MARCHF1: variants seen among roughly 807,000 people sequenced by gnomAD.
MARCHF1 encodes membrane associated ring-CH-type finger 1.
MARCHF1 carries 40 observed loss-of-function variants against 54.2 expected under a neutral mutation model. The observed-to-expected ratio is 0.74, with a 90% CI of 0.57 to 0.96. The LOEUF is 0.96. Among genes scored for constraint, MARCHF1 ranks in the 40% least tolerant of loss-of-function variants. MARCHF1 has a pLI of 0.00. For missense variants in MARCHF1, 586 were observed against 656.5 expected, an observed-to-expected ratio of 0.89 and a Z score of 1.17; for synonymous variants, 236 against 236.3, an observed-to-expected ratio of 1.00 and a Z score of 0.01.
chr4:164,312,447 C>T (rs922583446), intron 1 of MARCHF1, among the ~76,000 whole-genome samples: 1 of 150,934 alleles, frequency 6.6e-6, no homozygotes, highest in Non-Finnish European at 1.5e-5. Flanking sequence ...CTCAGCCTCC[C>T]GAGTAGCTGG....
intron 5 of MARCHF1, among the ~76,000 whole-genome samples, chr4:163,685,540 C>T (rs533755781): frequency 4.6e-4 from 70 of 152,216 alleles, no homozygotes; most frequent in African/African-American, 1.5e-3. Flanking sequence ...CTGCAACCTC[C>T]GCCTCCTGGG....
intron 7 of MARCHF1, among the ~76,000 whole-genome samples, chr4:163,586,536 G>C (rs1740419296): frequency 6.6e-6 from 1 of 152,132 alleles, no homozygotes; most frequent in Admixed American, 6.5e-5. Flanking sequence ...TTACTTTTAT[G>C]GTCATTGCTG....
intron 7 of MARCHF1, among the ~76,000 whole-genome samples, chr4:163,590,690 C>T (rs565493175): frequency 1.9e-4 from 29 of 152,040 alleles, no homozygotes; most frequent in Non-Finnish European, 3.8e-4. Flanking sequence ...ACAGTGGCAT[C>T]GTACAGAGTT....
rs73867693 is a variant in MARCHF1 at position 163,653,040 on chromosome 4, C to T, written c.163-39647G>A. Among the ~76,000 whole-genome samples the T allele has an allele frequency of 8.9e-3, 1,330 of 150,220 alleles. 16 individuals carry two copies. The highest frequency in any genetic ancestry group is 0.031 in the African/African-American group (1,241 of 40,490). ...AAAGAAAATGCATCAGGTAGTGCTA[C>T]GTACTATTAGAGAAAATCAAGGTAA... is the stretch of plus-strand genomic sequence containing the variant. On this transcript the variant is annotated intron_variant, in intron 5 of 9. Coordinates refer to ENST00000514618, the MANE Select transcript of MARCHF1 (RefSeq NM_001394959.1).
intron 4 of MARCHF1, among the ~76,000 whole-genome samples, chr4:163,713,723 C>T (rs918997675): frequency 3.9e-5 from 6 of 152,154 alleles, no homozygotes; most frequent in African/African-American, 1.4e-4. Context: ...ATTAAAACCA[C>T]TCCCTTTAGA....
chr4:164,272,869 A>G (rs943554205), intron 1 of MARCHF1, among the ~76,000 whole-genome samples: 5 of 152,120 alleles, frequency 3.3e-5, no homozygotes, highest in East Asian at 1.9e-4. Flanking sequence ...ATAAAGAAAT[A>G]GAGAAAAAAT....
chr4:164,226,255 A>C (rs1732250289), intron 1 of MARCHF1, among the ~76,000 whole-genome samples: 1 of 152,130 alleles, frequency 6.6e-6, no homozygotes, highest in Admixed American at 6.6e-5. Context: ...ATGAAGCAGA[A>C]AATAAATAAA....
chr4:164,144,931 T>A (rs1210309950), intron 1 of MARCHF1, among the ~76,000 whole-genome samples: 4 of 128,588 alleles, frequency 3.1e-5, no homozygotes, highest in Admixed American at 8.4e-5. Context: ...CTAGCAAGAC[T>A]AATAAAGAAA....
intron 3 of MARCHF1, among the ~76,000 whole-genome samples, chr4:163,879,804 C>CGCGT (rs1553960437): frequency 6.7e-6 from 1 of 148,378 alleles, no homozygotes; most frequent in Admixed American, 6.8e-5. Flanking sequence ...GATTTAGAGG[C>CGCGT]GTGTGTGTGT....
At chr4:164,160,555 C>T (rs13135464) in intron 1 of MARCHF1, among the ~76,000 whole-genome samples, 28,094 of 152,062 alleles carry the variant, frequency 0.18, 3,177 homozygotes, top group Non-Finnish European at 0.26. Context: ...GTGTGAATAC[C>T]GACGTTATAA....
At chr4:164,252,266 T>C (rs1291962098) in intron 1 of MARCHF1, among the ~76,000 whole-genome samples, 1 of 152,154 alleles carries the variant, frequency 6.6e-6, no homozygotes, top group Non-Finnish European at 1.5e-5. Flanking sequence ...GCATCAAATC[T>C]GTAGAATAGG....
chr4:163,787,362 A>G (rs1747651464), intron 4 of MARCHF1, among the ~76,000 whole-genome samples: 1 of 151,802 alleles, frequency 6.6e-6, no homozygotes. Flanking sequence ...ATATATGAAG[A>G]ACCTCTAAAC....
intron 3 of MARCHF1, among the ~76,000 whole-genome samples, chr4:163,892,544 C>G (rs1750683113): frequency 6.7e-6 from 1 of 149,724 alleles, no homozygotes; most frequent in Non-Finnish European, 1.5e-5. Flanking sequence ...TAATATGTAA[C>G]TAACCTGCAC....
At chr4:163,834,785 AT>A (rs1318486513) in intron 4 of MARCHF1, among the ~76,000 whole-genome samples, 1 of 151,996 alleles carries the variant, frequency 6.6e-6, no homozygotes, top group African/African-American at 2.4e-5. Flanking sequence ...TCCCTTTATA[AT>A]TATACCAGGG....
intron 2 of MARCHF1, among the ~76,000 whole-genome samples, chr4:164,098,874 C>A (rs1560902953): frequency 6.6e-6 from 1 of 152,150 alleles, no homozygotes; most frequent in Non-Finnish European, 1.5e-5. Flanking sequence ...CACAGAGGAA[C>A]TGCTCATGCT....
At chr4:164,137,926 A>G (rs1756435144) in intron 1 of MARCHF1, among the ~76,000 whole-genome samples, 1 of 152,206 alleles carries the variant, frequency 6.6e-6, no homozygotes, top group African/African-American at 2.4e-5. Context: ...AAATGAGCAC[A>G]AAGTAAGGGG....
In MARCHF1 at chr4:163,527,610, C is replaced by A. The variant is rs1738163399; in HGVS notation, c.*1138G>T. On this transcript the variant is annotated 3_prime_UTR_variant, in exon 10 of 10. Coordinates refer to ENST00000514618, the MANE Select transcript of MARCHF1 (RefSeq NM_001394959.1). ...TAAAATGAGGACACTTAATTTAATG[C>A]TTTTAAAAATCATAACTAACTTTTG... 7.0e-6 allele frequency: 1 copy of A among 142,392 alleles called. No individual in the cohort carries two copies. The highest frequency in any genetic ancestry group is 2.6e-5 in the African/African-American group (1 of 38,996). The allele number at this position is 142,392 out of a possible 1,614,324, so 8.8% of individuals were successfully genotyped here.
chr4:163,872,661 A>G (rs1750192898), intron 3 of MARCHF1, among the ~76,000 whole-genome samples: 1 of 152,166 alleles, frequency 6.6e-6, no homozygotes, highest in Admixed American at 6.5e-5. Context: ...ATGTCAGAAT[A>G]CTAGTGTATG....
intron 5 of MARCHF1, among the ~76,000 whole-genome samples, chr4:163,620,594 CACACACACACACAGAGAG>C (rs1741648407): frequency 1.1e-5 from 1 of 92,876 alleles, no homozygotes; most frequent in South Asian, 3.4e-4. Flanking sequence ...CACACACACA[CACACACACACACAGAGAG>C]AGAGAGAGAG....
Sources: gnomAD v4.1 joint callset for allele counts (sites outside exome capture counted in the v4.1 genomes callset) on GRCh38, gnomAD v4.1.1 for gene constraint, MANE v1.5 for transcripts, NCBI Gene and HGNC (gene_info 2026-07-23, HGNC 2026-07-21) for gene names.